The following DCUN1D3 variants were observed in gnomAD, a reference collection of about 807,000 sequenced individuals.
DCUN1D3 encodes the protein DCN1-like protein 3.
A neutral mutation model predicts 24.8 loss-of-function variants in DCUN1D3; 6 were observed. The ratio of observed to expected loss-of-function variants is 0.24; its 90% confidence interval spans 0.13 to 0.48. The LOEUF (loss-of-function observed/expected upper bound fraction) is 0.48, where lower values mean the gene tolerates loss of function less well. Among genes scored for constraint, DCUN1D3 ranks in the 20% least tolerant of loss-of-function variants. The pLI is 0.99. For synonymous variants in DCUN1D3, 120 were observed against 144.9 expected, an observed-to-expected ratio of 0.83 and a Z score of 1.24; for missense variants, 258 against 379.4, an observed-to-expected ratio of 0.68 and a Z score of 2.66.
chr16:20,862,040 C>T (rs2081736092), intron 2 of DCUN1D3, 68 bp downstream of exon 2: 2 of 1,548,170 alleles, frequency 1.3e-6, no homozygotes, highest in Non-Finnish European at 1.8e-6. Context: ...CCTAGCTGGG[C>T]ACCACTGCCC....
intron 1 of DCUN1D3, among the ~76,000 whole-genome samples, chr16:20,863,937 G>A (rs1225535381): frequency 2.0e-5 from 3 of 152,162 alleles, no homozygotes; most frequent in Non-Finnish European, 4.4e-5. Context: ...GACTGAGGCT[G>A]GATCCCTTCC....
Position 20,860,468 on chromosome 16 carries a change from C to T in DCUN1D3, c.432-99G>A. 7.6e-7 allele frequency: 1 copy of T among 1,314,648 alleles called. No individual in the cohort carries two copies. The allele number at this position is 1,314,648 out of a possible 1,614,324, so 81.4% of individuals were successfully genotyped here. ...GAGCAAGGCTTTCAGGCCAGATGGTCTGAATTTGAATTCTAACTCCTCCAA... is the reference window on the plus strand; with the variant it reads ...GAGCAAGGCTTTCAGGCCAGATGGTTTGAATTTGAATTCTAACTCCTCCAA... On this transcript the variant is annotated intron_variant, in intron 2 of 2. Transcript: ENST00000324344. This position sits in a 1 kb window ranked among gnomAD's most constrained non-coding sequence, Gnocchi z 4.3.
At position 20,856,905 on chromosome 16, in the gene DCUN1D3, G is replaced by A. The variant is rs933882633; in HGVS notation, c.*2981C>T. 1.3e-5 allele frequency: 2 copies of A among 152,096 alleles called. No individual in the cohort carries two copies. The highest frequency in any genetic ancestry group is 2.9e-5 in the Non-Finnish European group (2 of 68,026). The allele number at this position is 152,096 out of a possible 1,614,324, so 9.4% of individuals were successfully genotyped here. A position where few individuals can be genotyped will look rare whatever the true frequency, so the allele number is the denominator to read the frequency against. On this transcript the variant is annotated 3_prime_UTR_variant, in exon 3 of 3. Coordinates refer to ENST00000324344, the MANE Select transcript of DCUN1D3 (RefSeq NM_173475.4). ...AGATGTTGCCGATTTCCAAAGTGGC[G>A]TCCACATCCTGCCCCTCTCCACATC... is the stretch of plus-strand genomic sequence containing the variant.
intron 1 of DCUN1D3, among the ~76,000 whole-genome samples, chr16:20,899,099 T>A (rs947096138): frequency 6.6e-6 from 1 of 152,272 alleles, no homozygotes; most frequent in East Asian, 1.9e-4. Flanking sequence ...ACTGATGATT[T>A]GTGTGTCACA....
At chr16:20,866,610 A>T (rs1667905050) in intron 1 of DCUN1D3, among the ~76,000 whole-genome samples, 1 of 152,242 alleles carries the variant, frequency 6.6e-6, no homozygotes, top group Non-Finnish European at 1.5e-5. Flanking sequence ...CTGACACAGC[A>T]GAACCAGCTG....
At chr16:20,896,205 T>C (rs905884275) in intron 1 of DCUN1D3, 2 of 152,188 alleles carry the variant, frequency 1.3e-5, no homozygotes, top group Non-Finnish European at 2.9e-5. Context: ...ATGATGGGGT[T>C]ATAAAAGGTA....
chr16:20,884,950 T>G (rs888122665), intron 1 of DCUN1D3, among the ~76,000 whole-genome samples: 5 of 151,066 alleles, frequency 3.3e-5, no homozygotes, highest in African/African-American at 9.8e-5. Context: ...GAGAATAATG[T>G]TGGGCTATAT....
At chr16:20,889,806 A>G (rs1041425272) in intron 1 of DCUN1D3, among the ~76,000 whole-genome samples, 1 of 152,196 alleles carries the variant, frequency 6.6e-6, no homozygotes, top group Admixed American at 6.5e-5. Context: ...TGATTTCACC[A>G]TGGGCCCTTA....
chr16:20,897,166 A>G (rs995123613), intron 1 of DCUN1D3, among the ~76,000 whole-genome samples: 1 of 152,262 alleles, frequency 6.6e-6, no homozygotes, highest in Non-Finnish European at 1.5e-5. Context: ...ATTCACTCAA[A>G]GAACACACTA....
chr16:20,883,134 T>C (rs1303540672), intron 1 of DCUN1D3, among the ~76,000 whole-genome samples: 2 of 152,302 alleles, frequency 1.3e-5, no homozygotes, highest in African/African-American at 4.8e-5. Context: ...TTGGGCCTCA[T>C]GTCAGGGATC....
At chr16:20,873,229 T>G (rs2081798267) in intron 1 of DCUN1D3, among the ~76,000 whole-genome samples, 1 of 152,178 alleles carries the variant, frequency 6.6e-6, no homozygotes, top group Admixed American at 6.5e-5. Context: ...AAAAGCAGCT[T>G]AATCCTAAAG....
Position 20,862,089 on chromosome 16 carries a change from T to C in DCUN1D3, c.431+19A>G, listed in dbSNP as rs2081736329. ...TTCCTCCACTGCTCACCTGGTGACATAAAGTGTTTGTGACTAACCTGGTGA... is the reference window on the plus strand; with the variant it reads ...TTCCTCCACTGCTCACCTGGTGACACAAAGTGTTTGTGACTAACCTGGTGA... On this transcript the variant is annotated intron_variant, in intron 2 of 2. Transcript: ENST00000324344. The C allele has an allele frequency of 6.2e-7, 1 of 1,611,232 alleles. No individual in the cohort carries two copies. The highest frequency in any genetic ancestry group is 1.3e-5 in the African/African-American group (1 of 74,904).
In DCUN1D3 at chr16:20,859,365, A is replaced by C. The variant is rs899908937; in HGVS notation, c.*521T>G. On this transcript the variant is annotated 3_prime_UTR_variant, in exon 3 of 3. Coordinates refer to ENST00000324344, the MANE Select transcript of DCUN1D3 (RefSeq NM_173475.4). ...TAACACTGCTATTCAAATCTGTGTA[A>C]ATCTTTAAAAATAATTATTACAACC... 1 of 152,628 alleles carries C rather than the reference A, an allele frequency of 6.6e-6. No homozygotes were observed. Among genetic ancestry groups the C allele is most frequent in the African/African-American group, 2.4e-5 (1 of 41,412 alleles). The allele number at this position is 152,628 out of a possible 1,614,324, so 9.5% of individuals were successfully genotyped here. A position where few individuals can be genotyped will look rare whatever the true frequency, so the allele number is the denominator to read the frequency against.
At chr16:20,875,203 C>T (rs934147138) in intron 1 of DCUN1D3, among the ~76,000 whole-genome samples, 14 of 145,424 alleles carry the variant, frequency 9.6e-5, no homozygotes, top group Admixed American at 7.8e-4. Context: ...AAACTGCGTG[C>T]GCTCATGCAC....
rs144804662 is a variant in DCUN1D3, at chr16:20,895,616, G to A, written c.-106+4588C>T. Among the ~76,000 whole-genome samples, 866 of 152,268 alleles carry A rather than the reference G, an allele frequency of 5.7e-3. 7 individuals are homozygous for A. The highest frequency in any genetic ancestry group is 0.024 in the Middle Eastern group (7 of 294). On this transcript the variant is annotated intron_variant, in intron 1 of 2. Transcript: ENST00000324344. ...TACCAAGGGGATGTAAATATGTTAC[G>A]CTCTAGTTTGTAATTATTCACTGAT...
chr16:20,875,330 G>C (rs1248559066), intron 1 of DCUN1D3, among the ~76,000 whole-genome samples: 1 of 151,882 alleles, frequency 6.6e-6, no homozygotes, highest in Non-Finnish European at 1.5e-5. Context: ...TGTCTTGACT[G>C]TTCTGCAACC....
chr16:20,865,802 CG>C (rs2152516404), intron 1 of DCUN1D3, among the ~76,000 whole-genome samples: 1 of 152,158 alleles, frequency 6.6e-6, no homozygotes, highest in Non-Finnish European at 1.5e-5. Flanking sequence ...AATTGGGGGT[CG>C]TCTTCAAGAG....
intron 1 of DCUN1D3, among the ~76,000 whole-genome samples, chr16:20,887,194 C>T (rs1048334766): frequency 1.3e-5 from 2 of 151,866 alleles, no homozygotes; most frequent in East Asian, 1.9e-4. Flanking sequence ...CCCAGCTACT[C>T]GGGAGGCTGA....
At chr16:20,899,200 A>C in intron 1 of DCUN1D3, among the ~76,000 whole-genome samples, 1 of 152,276 alleles carries the variant, frequency 6.6e-6, no homozygotes, top group East Asian at 1.9e-4. Context: ...GTGCATCATG[A>C]AAAGTGGGTG....
Sources: allele counts gnomAD v4.1 joint callset (sites outside exome capture counted in the v4.1 genomes callset), GRCh38; gene constraint gnomAD v4.1.1; non-coding constraint Gnocchi (gnomAD v3.1); transcripts MANE v1.5; gene names NCBI Gene and HGNC (gene_info 2026-07-23, HGNC 2026-07-21).